RBM19: variants seen among roughly 807,000 people sequenced by gnomAD.
RBM19 encodes the protein RNA binding motif protein 19, also known as probable RNA-binding protein 19.
Under a neutral mutation model 116.8 loss-of-function variants are expected in RBM19, and 94 were observed. The ratio of observed to expected loss-of-function variants is 0.80; its 90% confidence interval spans 0.68 to 0.95. The LOEUF is 0.95. Among genes scored for constraint, RBM19 ranks in the 40% least tolerant of loss-of-function variants. The pLI is 0.00. For synonymous variants in RBM19, 475 were observed against 494.1 expected, an observed-to-expected ratio of 0.96 and a Z score of 0.51; for missense variants, 1,161 against 1,220.7, an observed-to-expected ratio of 0.95 and a Z score of 0.73.
intron 13 of RBM19, among the ~76,000 whole-genome samples, chr12:113,943,617 C>T (rs555930216): frequency 1.2e-4 from 19 of 152,048 alleles, no homozygotes; most frequent in African/African-American, 3.4e-4. Flanking sequence ...GTCAGGAGTT[C>T]GAGACCAGCC....
chr12:113,821,431 C>A (rs915968862), downstream of RBM19, among the ~76,000 whole-genome samples: 2 of 152,160 alleles, frequency 1.3e-5, no homozygotes, highest in African/African-American at 4.8e-5. Flanking sequence ...AGGACACGAT[C>A]CAGCTCACAG....
chr12:113,849,246 G>T (rs1322807907), intron 22 of RBM19, among the ~76,000 whole-genome samples: 1 of 152,212 alleles, frequency 6.6e-6, no homozygotes, highest in African/African-American at 2.4e-5. Flanking sequence ...CTTGAACCCT[G>T]GAGGGAAGGC....
chr12:113,841,878 G>A (rs932400253), intron 23 of RBM19, among the ~76,000 whole-genome samples: 4 of 152,212 alleles, frequency 2.6e-5, no homozygotes, highest in African/African-American at 9.7e-5. Flanking sequence ...TACAGTTGCT[G>A]TGAGCACTGA....
At chr12:113,926,691 G>A (rs1224615316) in intron 17 of RBM19, among the ~76,000 whole-genome samples, 2 of 152,186 alleles carry the variant, frequency 1.3e-5, no homozygotes, top group African/African-American at 4.8e-5. Flanking sequence ...TCACTGATGT[G>A]GCTTCTCCAT....
At chr12:113,837,481 G>A (rs896438724) in intron 23 of RBM19, among the ~76,000 whole-genome samples, 8 of 152,218 alleles carry the variant, frequency 5.3e-5, no homozygotes, top group Admixed American at 1.3e-4. Context: ...CACGTGATGT[G>A]CCAGGAGCTG....
chr12:113,916,425 A>G (rs764308475), intron 20 of RBM19, among the ~76,000 whole-genome samples: 3 of 152,194 alleles, frequency 2.0e-5, no homozygotes, highest in Non-Finnish European at 4.4e-5. Context: ...AGAAGCAGCA[A>G]AACTACAAAT....
chr12:113,945,768 G>A, intron 13 of RBM19, 60 bp downstream of exon 13: 1 of 1,398,874 alleles, frequency 7.1e-7, no homozygotes, highest in Non-Finnish European at 1.0e-6. Flanking sequence ...CGAGCCTCCT[G>A]CTCTTTCTCC....
At chr12:113,860,574 T>C (rs1180782550) in intron 21 of RBM19, among the ~76,000 whole-genome samples, 1 of 152,212 alleles carries the variant, frequency 6.6e-6, no homozygotes. Flanking sequence ...GAGAGGCACA[T>C]GGAAGACCAG....
intron 21 of RBM19, among the ~76,000 whole-genome samples, chr12:113,904,493 C>T (rs1270237671): frequency 2.0e-5 from 3 of 152,170 alleles, no homozygotes. Flanking sequence ...GAATGAAATC[C>T]TGAGCACAAA....
At chr12:113,829,538 A>G (rs1167442561) in intron 23 of RBM19, among the ~76,000 whole-genome samples, 2 of 152,170 alleles carry the variant, frequency 1.3e-5, no homozygotes, top group African/African-American at 2.4e-5. Flanking sequence ...AGCATATTCT[A>G]TGTGCCAGGA....
chr12:113,957,742 G>A (rs1324317098), intron 6 of RBM19, 40 bp downstream of exon 6: 5 of 1,529,820 alleles, frequency 3.3e-6, no homozygotes, highest in Non-Finnish European at 4.4e-6. Flanking sequence ...AAGCAGGAGA[G>A]CGCACCTCCT....
chr12:113,884,706 G>C lies in RBM19; in HGVS notation c.2559-25810C>G, dbSNP rs375896548. Among the ~76,000 whole-genome samples the C allele has an allele frequency of 2.5e-3, 379 of 152,228 alleles. 3 individuals are homozygous for C. Among genetic ancestry groups the C allele is most frequent in the African/African-American group, 8.5e-3 (354 of 41,540 alleles). ...CTGATTCCAGGTTGGCACTGAGAAA[G>C]TACAAGATGAATCTGAAATATCTCC... is the stretch of plus-strand genomic sequence containing the variant. On this transcript the variant is annotated intron_variant, in intron 21 of 23. Transcript: ENST00000261741.
At chr12:113,931,232 C>A (rs1366243872) in intron 16 of RBM19, among the ~76,000 whole-genome samples, 1 of 152,104 alleles carries the variant, frequency 6.6e-6, no homozygotes, top group Non-Finnish European at 1.5e-5. Context: ...TGTATACAGA[C>A]CACTGGCAAA....
Position 113,906,922 on chromosome 12 carries a change from C to T in RBM19, c.2558+8047G>A, listed in dbSNP as rs1325848467. ...GCCCGGTGTCCTTATCGGGAGAAGG[C>T]ACAGAAGGAAGAACGCCAGAGACGA... On this transcript the variant is annotated intron_variant, in intron 21 of 23. Coordinates refer to ENST00000261741, the MANE Select transcript of RBM19 (RefSeq NM_016196.4). Among the ~76,000 whole-genome samples the T allele has an allele frequency of 2.0e-5, 3 of 152,016 alleles. No individual in the cohort carries two copies. In the South Asian group the frequency reaches 6.2e-4, roughly 32 times the overall value.
chr12:113,867,977 CCT>C (rs1878951772), intron 21 of RBM19, among the ~76,000 whole-genome samples: 1 of 152,100 alleles, frequency 6.6e-6, no homozygotes, highest in South Asian at 2.1e-4. Flanking sequence ...TGAAATAAAA[CCT>C]AAGTAGAAAT....
chr12:113,838,385 T>TGCAAACTCCATGGGGAGAACAC (rs1372084156), intron 23 of RBM19, among the ~76,000 whole-genome samples: 1 of 151,750 alleles, frequency 6.6e-6, no homozygotes, highest in African/African-American at 2.4e-5. Flanking sequence ...AGGATGAGCA[T>TGCAAACTCCATGGGGAGAACAC]GCAAACTCCA....
chr12:113,819,681 C>T (rs763403554), downstream of RBM19, among the ~76,000 whole-genome samples: 1 of 152,212 alleles, frequency 6.6e-6, no homozygotes, highest in Admixed American at 6.5e-5. Flanking sequence ...ACAGCGGTGA[C>T]TCAGTCCCTT....
At chr12:113,882,808 T>C (rs1236532533) in intron 21 of RBM19, among the ~76,000 whole-genome samples, 1 of 152,236 alleles carries the variant, frequency 6.6e-6, no homozygotes, top group Non-Finnish European at 1.5e-5. Context: ...TACCCTCAGA[T>C]GACCCACAGC....
At chr12:113,880,006 C>G (rs1216118531) in intron 21 of RBM19, among the ~76,000 whole-genome samples, 2 of 151,762 alleles carry the variant, frequency 1.3e-5, no homozygotes, top group African/African-American at 2.4e-5. Flanking sequence ...GGCAGCCCCT[C>G]CTCTGTGCTC....
Sources: allele counts gnomAD v4.1 joint callset (sites outside exome capture counted in the v4.1 genomes callset), GRCh38; gene constraint gnomAD v4.1.1; transcripts MANE v1.5; gene names NCBI Gene and HGNC (gene_info 2026-07-23, HGNC 2026-07-21).